Variants in KIAA0825 observed in about 807,000 individuals in gnomAD.
KIAA0825 encodes KIAA0825, also known as uncharacterized protein KIAA0825.
Under a neutral mutation model 147.6 loss-of-function variants are expected in KIAA0825, and 119 were observed. The observed-to-expected ratio is 0.81, with a 90% CI of 0.69 to 0.94. KIAA0825 has a LOEUF of 0.94. KIAA0825 is among the 40% of genes least tolerant of loss of function. The pLI, the probability that KIAA0825 is intolerant of heterozygous loss-of-function variation, is 0.00. For synonymous variants in KIAA0825, 470 were observed against 518.1 expected (o/e 0.91, Z 1.26); for missense variants, 1,381 against 1,472.7 (o/e 0.94, Z 1.02).
intron 20 of KIAA0825, among the ~76,000 whole-genome samples, chr5:94,254,260 A>G (rs1776123175): frequency 6.6e-6 from 1 of 152,208 alleles, no homozygotes; most frequent in Non-Finnish European, 1.5e-5. Context: ...ACCAAACCAT[A>G]TTTTGATACA....
At chr5:94,489,028 T>G (rs895227472) in intron 5 of KIAA0825, among the ~76,000 whole-genome samples, 2 of 152,228 alleles carry the variant, frequency 1.3e-5, no homozygotes, top group African/African-American at 4.8e-5. Flanking sequence ...TATATCTGCC[T>G]TACAGATTTT....
chr5:94,556,063 T>G (rs1214184133), intron 2 of KIAA0825, among the ~76,000 whole-genome samples: 1 of 150,674 alleles, frequency 6.6e-6, no homozygotes, highest in Admixed American at 6.6e-5. Flanking sequence ...TTACTTTTTT[T>G]TTTTTTTGAG....
chr5:94,498,996 T>C (rs1465208749), intron 5 of KIAA0825, among the ~76,000 whole-genome samples: 1 of 152,214 alleles, frequency 6.6e-6, no homozygotes, highest in African/African-American at 2.4e-5. Context: ...CCCATATTGC[T>C]TTGTGGGTTC....
rs888977271 is a variant in KIAA0825, at chr5:94,313,755, C to G, written c.3710+70613G>C. ...TTAATTCACTCACCAGCTAAACTCT[C>G]AAAGGTACTGGTGTATATGGTAACA... On this transcript the variant is annotated intron_variant, in intron 20 of 20. Transcript: ENST00000682413. Among the ~76,000 whole-genome samples, 16 of 151,500 alleles carry G rather than the reference C, an allele frequency of 1.1e-4. No individual in the cohort carries two copies. In the Admixed American group the frequency reaches 1.1e-3, roughly 10 times the overall value.
chr5:94,419,699 C>T (rs963384230), intron 14 of KIAA0825, among the ~76,000 whole-genome samples: 1 of 152,146 alleles, frequency 6.6e-6, no homozygotes, highest in African/African-American at 2.4e-5. Flanking sequence ...CTTCCAGGGG[C>T]TCAAGGATTG....
intron 14 of KIAA0825, among the ~76,000 whole-genome samples, chr5:94,431,364 T>C (rs1755640764): frequency 6.6e-6 from 1 of 152,204 alleles, no homozygotes; most frequent in Non-Finnish European, 1.5e-5. Context: ...ATTCAACAAA[T>C]ACTTTTTTAA....
intron 16 of KIAA0825, among the ~76,000 whole-genome samples, chr5:94,399,152 A>G (rs1453880914): frequency 2.0e-5 from 3 of 152,266 alleles, no homozygotes; most frequent in South Asian, 4.1e-4. Context: ...TTTTCTTTTT[A>G]TTCAAATTAA....
intron 13 of KIAA0825, among the ~76,000 whole-genome samples, chr5:94,449,072 G>C (rs2150890581): frequency 6.6e-6 from 1 of 152,182 alleles, no homozygotes; most frequent in East Asian, 1.9e-4. Flanking sequence ...GGAGAATTTA[G>C]AAAGACAAAG....
chr5:94,513,860 T>G (rs1232431540), intron 5 of KIAA0825, among the ~76,000 whole-genome samples: 1 of 151,886 alleles, frequency 6.6e-6, no homozygotes, highest in Non-Finnish European at 1.5e-5. Flanking sequence ...AAAAAAGAAC[T>G]TCCTTAGAAA....
intron 20 of KIAA0825, among the ~76,000 whole-genome samples, chr5:94,355,967 A>G (rs1440625701): frequency 6.6e-6 from 1 of 152,208 alleles, no homozygotes; most frequent in Admixed American, 6.5e-5. Context: ...TCAAACCTTA[A>G]TATGCACATG....
intron 20 of KIAA0825, among the ~76,000 whole-genome samples, chr5:94,257,121 C>T (rs1776287635): frequency 6.6e-6 from 1 of 152,018 alleles, no homozygotes; most frequent in Non-Finnish European, 1.5e-5. Flanking sequence ...GAGAGATTAA[C>T]AGGGGCAGTT....
At chr5:94,426,033 C>CATT (rs60733170) in intron 14 of KIAA0825, among the ~76,000 whole-genome samples, 6,540 of 147,476 alleles carry the variant, frequency 0.044, 184 homozygotes, top group Non-Finnish European at 0.06. Flanking sequence ...TTATTATTAT[C>CATT]ATTATTATTA....
rs1047113319 is a variant in KIAA0825, at chr5:94,384,412, A to G, written c.3666T>C (p.Tyr1222=). 8 of 1,552,012 alleles carry G rather than the reference A, an allele frequency of 5.2e-6. No individual in the cohort carries two copies. In the Admixed American group the frequency reaches 7.8e-5, roughly 15 times the overall value. Reference sequence around the variant, plus strand: ...TGAAGGTCATCTTATCCAGTCTCAGATAATTTGGCAGCAACTTTGCCCAAT... The same window carrying G: ...TGAAGGTCATCTTATCCAGTCTCAGGTAATTTGGCAGCAACTTTGCCCAAT... ...NWNWAKLLPN[Y]LRLDKMTFSV... is the part of the protein sequence containing the mutation. The change falls in exon 20 of 21, where the codon TAT becomes TAC. Residue 1222 remains tyrosine (Y), a synonymous_variant. Coordinates refer to ENST00000682413, the MANE Select transcript of KIAA0825 (RefSeq NM_001145678.3).
At chr5:94,315,312 G>A (rs139247100) in intron 20 of KIAA0825, among the ~76,000 whole-genome samples, 8 of 151,678 alleles carry the variant, frequency 5.3e-5, no homozygotes, top group South Asian at 2.1e-4. Context: ...TAATGATAGC[G>A]CTTTCTATCT....
intron 2 of KIAA0825, among the ~76,000 whole-genome samples, chr5:94,555,956 T>C (rs866695945): frequency 6.6e-6 from 1 of 152,182 alleles, no homozygotes; most frequent in South Asian, 2.1e-4. Flanking sequence ...AAGATCTGCA[T>C]TAGTAGAAAA....
intron 20 of KIAA0825, among the ~76,000 whole-genome samples, chr5:94,236,542 A>T (rs773458091): frequency 1.3e-5 from 2 of 152,242 alleles, no homozygotes; most frequent in Non-Finnish European, 2.9e-5. Flanking sequence ...TCATAAATTT[A>T]GTTGAGAAGG....
chr5:94,258,743 G>C (rs1255354800), intron 20 of KIAA0825, among the ~76,000 whole-genome samples: 2 of 151,998 alleles, frequency 1.3e-5, no homozygotes, highest in Non-Finnish European at 1.5e-5. Context: ...AAAAGTTTTA[G>C]AGATGACCTA....
At chr5:94,242,232 C>T (rs1250263482) in intron 20 of KIAA0825, among the ~76,000 whole-genome samples, 2 of 152,180 alleles carry the variant, frequency 1.3e-5, no homozygotes, top group East Asian at 3.9e-4. Context: ...TAAACATTCT[C>T]TTTCTCTGGT....
intron 18 of KIAA0825, among the ~76,000 whole-genome samples, chr5:94,389,412 C>T (rs1484223616): frequency 1.3e-5 from 2 of 152,188 alleles, no homozygotes; most frequent in Non-Finnish European, 1.5e-5. Context: ...CTGGTGCCAA[C>T]CCCATGGGAG....
Sources: allele counts gnomAD v4.1 joint callset (sites outside exome capture counted in the v4.1 genomes callset), GRCh38; gene constraint gnomAD v4.1.1; transcripts MANE v1.5; gene names NCBI Gene and HGNC (gene_info 2026-07-23, HGNC 2026-07-21).